Variants in KLRG1 observed in about 807,000 individuals in gnomAD.
KLRG1 encodes the protein killer cell lectin-like receptor subfamily G member 1.
A neutral mutation model predicts 21.8 loss-of-function variants in KLRG1; 16 were observed. The ratio of observed to expected loss-of-function variants is 0.73; its 90% CI spans 0.50 to 1.11. KLRG1 has a LOEUF of 1.11. Among genes scored for constraint, KLRG1 ranks in the 50% most tolerant of loss-of-function variants. KLRG1 has a pLI of 0.00. For missense variants in KLRG1, 173 were observed against 218.3 expected (o/e 0.79, Z 1.31); for synonymous variants, 69 against 75.9 (o/e 0.91, Z 0.47).
chr12:9,109,292 C>A, the KLRG1 span: 2 of 1,548,804 alleles, frequency 1.3e-6, no homozygotes, highest in South Asian at 2.3e-5. Context: ...AATAATCCCC[C>A]ACAAAAGATT....
chr12:9,170,411 TG>T, the KLRG1 span, among the ~76,000 whole-genome samples: 1 of 152,132 alleles, frequency 6.6e-6, no homozygotes, highest in East Asian at 1.9e-4. The surrounding 1 kb of genome is among the most constrained non-coding windows in gnomAD (Gnocchi z 4.6). Flanking sequence ...AATCCGGCCC[TG>T]GGATCCCTGG....
At chr12:9,209,910 A>G in the KLRG1 span, among the ~76,000 whole-genome samples, 1 of 152,168 alleles carries the variant, frequency 6.6e-6, no homozygotes, top group Non-Finnish European at 1.5e-5. Flanking sequence ...AATTTTAATG[A>G]CCATCTATAC....
chr12:9,196,744 T>C, the KLRG1 span: 1 of 1,404,296 alleles, frequency 7.1e-7, no homozygotes, highest in Non-Finnish European at 1.0e-6. Flanking sequence ...AGTCACTGAA[T>C]CTACTATTCT....
chr12:9,002,265 AT>A (rs1410562469), intron 3 of KLRG1, among the ~76,000 whole-genome samples: 2 of 152,154 alleles, frequency 1.3e-5, no homozygotes, highest in Non-Finnish European at 2.9e-5. Context: ...AACCATTTTA[AT>A]TTGGAAGTTT....
chr12:8,983,603 G>A lies in KLRG1; in HGVS notation c.-155-8603G>A, dbSNP rs768714582. On this transcript the variant is annotated intron_variant, in intron 1 of 4. Coordinates refer to the KLRG1 transcript ENST00000539240. ...TTTAGTAGAGACGGGGTTTCACCAT[G>A]TTGGCCAGGCTGGTCTCGAACTGGT... is the stretch of plus-strand genomic sequence containing the variant. Among the ~76,000 whole-genome samples the A allele has an allele frequency of 3.3e-5, 5 of 152,074 alleles. No homozygotes were observed. The East Asian group carries it at 7.7e-4, about 23-fold the overall frequency.
chr12:9,037,875 G>A, the KLRG1 span, among the ~76,000 whole-genome samples: 1 of 152,162 alleles, frequency 6.6e-6, no homozygotes, highest in Non-Finnish European at 1.5e-5. Flanking sequence ...TTCCATCTAG[G>A]TTTGTGTAAA....
chr12:9,207,270 C>T, the KLRG1 span, among the ~76,000 whole-genome samples: 1 of 152,144 alleles, frequency 6.6e-6, no homozygotes, highest in African/African-American at 2.4e-5. Flanking sequence ...TCTAGAAGTG[C>T]AGTGTGGGTA....
At chr12:9,182,076 C>T in the KLRG1 span, 45 of 1,613,298 alleles carry the variant, frequency 2.8e-5, no homozygotes, top group African/African-American at 2.1e-4. Context: ...ATGGGGGCAA[C>T]GTCTGACTCC....
chr12:9,211,571 T>TG, the KLRG1 span, among the ~76,000 whole-genome samples: 1 of 152,210 alleles, frequency 6.6e-6, no homozygotes, highest in East Asian at 1.9e-4. Context: ...TTTTGAATTT[T>TG]GGGGGGAAAT....
At chr12:9,149,318 G>A in the KLRG1 span, among the ~76,000 whole-genome samples, 2 of 152,166 alleles carry the variant, frequency 1.3e-5, no homozygotes, top group Admixed American at 6.5e-5. Context: ...GTGAAATGTC[G>A]CTTTTAGAGA....
chr12:9,211,724 AT>A, the KLRG1 span, among the ~76,000 whole-genome samples: 4 of 152,182 alleles, frequency 2.6e-5, no homozygotes, highest in Non-Finnish European at 5.9e-5. Flanking sequence ...ACCTTTTCCC[AT>A]CTTTATAGAC....
At chr12:9,115,784 G>A in the KLRG1 span, 14 of 1,613,252 alleles carry the variant, frequency 8.7e-6, no homozygotes, top group East Asian at 1.6e-4. Context: ...AGACTGAGGC[G>A]TCTGTGGGCA....
the KLRG1 span, among the ~76,000 whole-genome samples, chr12:9,076,356 T>A: frequency 6.6e-6 from 1 of 152,228 alleles, no homozygotes; most frequent in African/African-American, 2.4e-5. Context: ...ATTTTACTGA[T>A]GAAGGAACTG....
the KLRG1 span, chr12:9,090,339 A>T: frequency 3.7e-5 from 60 of 1,613,988 alleles, no homozygotes; most frequent in African/African-American, 6.4e-4. Flanking sequence ...AATTATCTCT[A>T]GCAGTTTTTT....
intron 1 of KLRG1, chr12:8,991,955 T>A (rs1429431773): frequency 3.0e-6 from 1 of 332,492 alleles, no homozygotes; most frequent in African/African-American, 2.1e-5. Flanking sequence ...TGAGACAGTG[T>A]AAGTCACAGT....
downstream of KLRG1, among the ~76,000 whole-genome samples, chr12:9,015,708 GTTC>G (rs1565557207): frequency 6.6e-6 from 1 of 152,124 alleles, no homozygotes; most frequent in Admixed American, 6.6e-5. Context: ...CAGAATATGC[GTTC>G]TTCTCCTCAG....
the KLRG1 span, chr12:9,115,563 A>G: frequency 1.9e-6 from 1 of 521,822 alleles, no homozygotes; most frequent in Non-Finnish European, 3.4e-6. Context: ...AAGGCTTTGC[A>G]TATTAGAGCT....
At chr12:9,155,663 C>T in the KLRG1 span, among the ~76,000 whole-genome samples, 10 of 152,142 alleles carry the variant, frequency 6.6e-5, no homozygotes, top group Admixed American at 6.5e-4. Flanking sequence ...CTAAATGACA[C>T]TCTTTCAAAT....
the KLRG1 span, chr12:9,095,169 G>A: frequency 2.9e-6 from 2 of 679,754 alleles, no homozygotes; most frequent in Non-Finnish European, 4.6e-6. Context: ...AATTTGACAA[G>A]CAATCCAGTT....
Sources: allele counts gnomAD v4.1 joint callset (sites outside exome capture counted in the v4.1 genomes callset), GRCh38; gene constraint gnomAD v4.1.1; non-coding constraint Gnocchi (gnomAD v3.1); transcripts MANE v1.5; gene names NCBI Gene and HGNC (gene_info 2026-07-23, HGNC 2026-07-21).